Variants in ATXN10 observed in about 807,000 individuals in gnomAD.
ATXN10 encodes ataxin-10.
A neutral mutation model predicts 52.9 loss-of-function variants in ATXN10; 28 were observed. That is an observed-to-expected ratio of 0.53 (90% confidence interval 0.39 to 0.73). The LOEUF (loss-of-function observed/expected upper bound fraction) is 0.73. Ranked by LOEUF, ATXN10 falls within the 30% of genes least tolerant of loss-of-function variation. ATXN10 has a pLI of 0.00. For synonymous variants in ATXN10, 226 were observed against 221.5 expected (o/e 1.02, Z -0.18); for missense variants, 565 against 577.0 (o/e 0.98, Z 0.21).
intron 1 of ATXN10, among the ~76,000 whole-genome samples, chr22:45,680,801 C>A (rs1038015435): frequency 7.2e-5 from 11 of 152,012 alleles, no homozygotes; most frequent in Non-Finnish European, 1.5e-4. Flanking sequence ...TCTTCTGACT[C>A]CCCAGTTCTT....
chr22:45,725,202 G>A (rs900265083), intron 6 of ATXN10, among the ~76,000 whole-genome samples: 30 of 152,242 alleles, frequency 2.0e-4, no homozygotes, highest in African/African-American at 7.0e-4. Flanking sequence ...AATGATGTTG[G>A]TATTTTGATA....
chr22:45,785,431 C>G (rs985632854), intron 9 of ATXN10, among the ~76,000 whole-genome samples: 1 of 152,266 alleles, frequency 6.6e-6, no homozygotes, highest in Non-Finnish European at 1.5e-5. Flanking sequence ...TCTTATGATT[C>G]AGCTAGTTTA....
At chr22:45,736,789 T>C (rs1925314639) in intron 7 of ATXN10, among the ~76,000 whole-genome samples, 1 of 152,242 alleles carries the variant, frequency 6.6e-6, no homozygotes, top group African/African-American at 2.4e-5. Flanking sequence ...ATGATACTAC[T>C]TTCGTCAAGA....
At chr22:45,801,387 T>C (rs1727610161) in intron 9 of ATXN10, among the ~76,000 whole-genome samples, 1 of 152,218 alleles carries the variant, frequency 6.6e-6, no homozygotes, top group African/African-American at 2.4e-5. Context: ...CCACTTCTTT[T>C]TTACTTCTGC....
At position 45,790,578 on chromosome 22, in the gene ATXN10, C is replaced by T. The variant is rs1032435483; in HGVS notation, c.1174-16381C>T. 6.6e-6 allele frequency among the ~76,000 whole-genome samples: 1 copy of T among 152,172 alleles called. No individual in the cohort carries two copies. The highest frequency in any genetic ancestry group is 2.4e-5 in the African/African-American group (1 of 41,446). ...TCTGCTTCAGCAGATTTCAGTTAGT[C>T]TCTGACAGTTGGGGGGCTACACATT... On this transcript the variant is annotated intron_variant, in intron 9 of 11. Transcript: ENST00000252934. The surrounding 1 kb of genome is among the most constrained non-coding windows in gnomAD (Gnocchi z 4.7).
chr22:45,729,770 C>T (rs1242196499), intron 7 of ATXN10, 180 bp downstream of exon 7: 4 of 734,974 alleles, frequency 5.4e-6, no homozygotes, highest in East Asian at 2.9e-5. Context: ...TTATTCCTAC[C>T]ATCCAGAGTC....
chr22:45,836,621 A>T (rs1374432182), intron 10 of ATXN10, among the ~76,000 whole-genome samples: 3 of 152,162 alleles, frequency 2.0e-5, no homozygotes, highest in African/African-American at 7.2e-5. Context: ...CCCCCTGGGG[A>T]TGCACTGGGG....
At chr22:45,788,555 G>A (rs889530155) in intron 9 of ATXN10, among the ~76,000 whole-genome samples, 5 of 151,600 alleles carry the variant, frequency 3.3e-5, no homozygotes, top group South Asian at 2.1e-4. Context: ...GGGCTTCTTC[G>A]TGCCGCTCTT....
intron 7 of ATXN10, among the ~76,000 whole-genome samples, chr22:45,735,812 C>CTTTTTTTTTTTTTTT (rs746222703): frequency 6.1e-4 from 40 of 65,820 alleles, no homozygotes; most frequent in East Asian, 1.1e-3. Flanking sequence ...ATTTGCTTGT[C>CTTTTTTTTTTTTTTT]TTTTTTTTTT....
At chr22:45,704,482 CTA>C (rs1439461122) in intron 5 of ATXN10, among the ~76,000 whole-genome samples, 1 of 151,930 alleles carries the variant, frequency 6.6e-6, no homozygotes, top group Non-Finnish European at 1.5e-5. Context: ...AGTTTTTAGT[CTA>C]TGAGTTTTGG....
At chr22:45,725,463 C>T (rs529428965) in intron 6 of ATXN10, among the ~76,000 whole-genome samples, 1 of 146,484 alleles carries the variant, frequency 6.8e-6, no homozygotes, top group East Asian at 2.0e-4. Context: ...TGTTTCTCAG[C>T]TTAGTTATTG....
intron 1 of ATXN10, among the ~76,000 whole-genome samples, chr22:45,680,423 C>T (rs1922875084): frequency 6.6e-6 from 1 of 152,102 alleles, no homozygotes. Context: ...GATTCAATGC[C>T]ATTCATAATA....
At chr22:45,737,438 C>T (rs143317972) in intron 7 of ATXN10, among the ~76,000 whole-genome samples, 11 of 152,256 alleles carry the variant, frequency 7.2e-5, no homozygotes, top group Non-Finnish European at 1.2e-4. Flanking sequence ...GGTCAAGACT[C>T]GTTTTAACAT....
chr22:45,756,419 T>C (rs1421794637), intron 9 of ATXN10, among the ~76,000 whole-genome samples: 2 of 151,998 alleles, frequency 1.3e-5, no homozygotes, highest in South Asian at 2.1e-4. Flanking sequence ...ATTGGAATTA[T>C]AGGCATGAGC....
intron 10 of ATXN10, among the ~76,000 whole-genome samples, chr22:45,808,857 A>C (rs1601659800): frequency 6.6e-6 from 1 of 152,382 alleles, no homozygotes; most frequent in Non-Finnish European, 1.5e-5. Flanking sequence ...CTATATCTTT[A>C]GCTGGATAAC....
rs1427078526 is a variant in ATXN10 at position 45,759,027 on chromosome 22, C to G, written c.1173+18489C>G. 2.0e-5 allele frequency among the ~76,000 whole-genome samples: 3 copies of G among 152,088 alleles called. No individual in the cohort carries two copies. Among genetic ancestry groups the G allele is most frequent in the African/African-American group, 7.2e-5 (3 of 41,404 alleles). ...AGACATTATTCTTACTTAGAAGTAC[C>G]ATTCTTATTTAAAGGCAGTATATCT... is the stretch of plus-strand genomic sequence containing the variant. On this transcript the variant is annotated intron_variant, in intron 9 of 11. Coordinates refer to ENST00000252934, the MANE Select transcript of ATXN10 (RefSeq NM_013236.4). The surrounding 1 kb of genome is among the most constrained non-coding windows in gnomAD (Gnocchi z 5.4).
chr22:45,739,325 C>T (rs1925420474), intron 8 of ATXN10, among the ~76,000 whole-genome samples: 1 of 152,096 alleles, frequency 6.6e-6, no homozygotes, highest in African/African-American at 2.4e-5. Flanking sequence ...TATTACCAAC[C>T]TTGCTAAAAA....
Position 45,677,580 on chromosome 22 carries a change from G to T in ATXN10, c.116+5401G>T, listed in dbSNP as rs1922751753. On this transcript the variant is annotated intron_variant, in intron 1 of 11. Coordinates refer to ENST00000252934, the MANE Select transcript of ATXN10 (RefSeq NM_013236.4). The surrounding 1 kb of genome is among the most constrained non-coding windows in gnomAD (Gnocchi z 4.1). ...AAGTATTTAAAATATATATGATAAA[G>T]AAGTTGTTTCAGAATATATGAAGTA... is the stretch of plus-strand genomic sequence containing the variant. 1 of 147,276 alleles carries T rather than the reference G, an allele frequency of 6.8e-6. No individual in the cohort carries two copies. The highest frequency in any genetic ancestry group is 2.5e-5 in the African/African-American group (1 of 40,110). 9.1% of individuals were successfully genotyped at this position (147,276 alleles called of 1,614,324 possible). A position where few individuals can be genotyped will look rare whatever the true frequency, so the allele number is the denominator to read the frequency against.
At position 45,774,739 on chromosome 22, in the gene ATXN10, C is replaced by A. The variant is rs1165819924; in HGVS notation, c.1174-32220C>A. On this transcript the variant is annotated intron_variant, in intron 9 of 11. Coordinates refer to ENST00000252934, the MANE Select transcript of ATXN10 (RefSeq NM_013236.4). The surrounding 1 kb of genome is among the most constrained non-coding windows in gnomAD (Gnocchi z 6.2). The stretch of plus-strand genomic sequence containing the variant: ...CTTGAGGCCAGGAGTTTGAGACCAG[C>A]CTGACCACCATGGTGAAACCCTGTC... Among the ~76,000 whole-genome samples the A allele has an allele frequency of 6.6e-6, 1 of 152,180 alleles. No homozygotes were observed. The highest frequency in any genetic ancestry group is 2.4e-5 in the African/African-American group (1 of 41,436).
Sources: gnomAD v4.1 joint callset for allele counts (sites outside exome capture counted in the v4.1 genomes callset) on GRCh38, gnomAD v4.1.1 for gene constraint, Gnocchi (gnomAD v3.1) non-coding constraint, MANE v1.5 for transcripts, NCBI Gene and HGNC (gene_info 2026-07-23, HGNC 2026-07-21) for gene names.